Variants in EXOC6B observed in about 807,000 individuals in gnomAD.
The protein encoded by EXOC6B is SEC15 homolog B.
In EXOC6B, 54 loss-of-function variants were observed where a neutral mutation model predicts 113.5. That is an observed-to-expected ratio of 0.48 (90% CI 0.38 to 0.60). The LOEUF (loss-of-function observed/expected upper bound fraction) is 0.60. Ranked by LOEUF, EXOC6B falls within the 20% of genes least tolerant of loss-of-function variation. The pLI is 0.00. For missense variants in EXOC6B, 797 were observed against 977.5 expected, an observed-to-expected ratio of 0.82 and a Z score of 2.46; for synonymous variants, 357 against 339.0, an observed-to-expected ratio of 1.05 and a Z score of -0.58.
chr2:72,208,177 C>T (rs1156277068), intron 20 of EXOC6B, among the ~76,000 whole-genome samples: 3 of 151,942 alleles, frequency 2.0e-5, no homozygotes, highest in Admixed American at 6.6e-5. Flanking sequence ...GTACAGATCC[C>T]ATCACCCAGG....
chr2:72,323,858 C>G (rs1326425832), intron 20 of EXOC6B, among the ~76,000 whole-genome samples: 4 of 151,754 alleles, frequency 2.6e-5, no homozygotes, highest in Admixed American at 2.0e-4. Context: ...AGGGGAGGGA[C>G]AGCATTAGGA....
At chr2:72,540,554 T>A (rs1207800209) in intron 8 of EXOC6B, among the ~76,000 whole-genome samples, 2 of 152,216 alleles carry the variant, frequency 1.3e-5, no homozygotes, top group African/African-American at 4.8e-5. Context: ...ATTGCTTACA[T>A]AACCACAGAA....
chr2:72,678,506 A>T (rs1676469102), intron 6 of EXOC6B, among the ~76,000 whole-genome samples: 1 of 152,184 alleles, frequency 6.6e-6, no homozygotes, highest in Non-Finnish European at 1.5e-5. Context: ...CAGGAGTTGG[A>T]GGCCTCTTGG....
chr2:72,605,299 G>GAA (rs770662213), intron 6 of EXOC6B, among the ~76,000 whole-genome samples: 1 of 143,764 alleles, frequency 7.0e-6, no homozygotes, highest in Non-Finnish European at 1.5e-5. Flanking sequence ...AAAAAAAAAG[G>GAA]AAAAAAAAAA....
intron 18 of EXOC6B, among the ~76,000 whole-genome samples, chr2:72,437,039 T>TA (rs1451589789): frequency 2.6e-5 from 4 of 152,344 alleles, no homozygotes; most frequent in African/African-American, 9.6e-5. Context: ...TCCGTGGATT[T>TA]ATCTATCTTT....
At chr2:72,762,870 A>G (rs779498994) in intron 1 of EXOC6B, among the ~76,000 whole-genome samples, 5 of 152,146 alleles carry the variant, frequency 3.3e-5, no homozygotes, top group Non-Finnish European at 7.4e-5. Context: ...ATGTAGAAGT[A>G]AAATATAATT....
intron 20 of EXOC6B, among the ~76,000 whole-genome samples, chr2:72,198,220 A>C (rs1220308897): frequency 6.6e-6 from 1 of 152,200 alleles, no homozygotes; most frequent in Non-Finnish European, 1.5e-5. Flanking sequence ...ATGTTTTCAG[A>C]TGAGCTAAAC....
intron 18 of EXOC6B, among the ~76,000 whole-genome samples, chr2:72,449,295 G>A (rs1696772116): frequency 6.6e-6 from 1 of 151,708 alleles, no homozygotes; most frequent in African/African-American, 2.4e-5. Flanking sequence ...CCATTGTCCT[G>A]CCTCAGCCTC....
intron 7 of EXOC6B, among the ~76,000 whole-genome samples, chr2:72,573,734 C>T (rs908995413): frequency 6.6e-6 from 1 of 152,088 alleles, no homozygotes; most frequent in Non-Finnish European, 1.5e-5. Flanking sequence ...TATCCTAGTA[C>T]AATATAAACT....
intron 19 of EXOC6B, among the ~76,000 whole-genome samples, chr2:72,361,442 C>T (rs1393354121): frequency 2.6e-5 from 4 of 152,172 alleles, no homozygotes; most frequent in Admixed American, 2.6e-4. Flanking sequence ...TCAGGACTCT[C>T]CACTATTCCC....
intron 19 of EXOC6B, among the ~76,000 whole-genome samples, chr2:72,347,746 C>A (rs62149283): frequency 1.9e-4 from 29 of 151,964 alleles, no homozygotes; most frequent in African/African-American, 6.8e-4. Context: ...TTCTGACTAC[C>A]CACAATTCAA....
chr2:72,749,504 C>T (rs1172539000), intron 1 of EXOC6B, among the ~76,000 whole-genome samples: 1 of 151,738 alleles, frequency 6.6e-6, no homozygotes, highest in Non-Finnish European at 1.5e-5. Flanking sequence ...TTAATTTTTG[C>T]CATTAAAGCG....
chr2:72,539,756 G>GCA (rs1558775864), intron 8 of EXOC6B, among the ~76,000 whole-genome samples: 1 of 151,482 alleles, frequency 6.6e-6, no homozygotes, highest in African/African-American at 2.4e-5. Context: ...GTGTGCGCGC[G>GCA]CGCGCGCGTG....
At chr2:72,197,452 G>C (rs2104314768) in intron 20 of EXOC6B, among the ~76,000 whole-genome samples, 1 of 152,278 alleles carries the variant, frequency 6.6e-6, no homozygotes, top group East Asian at 1.9e-4. Context: ...GGTGGGGTTA[G>C]ACTATGCAGA....
chr2:72,671,572 C>T (rs1675807242), intron 6 of EXOC6B, among the ~76,000 whole-genome samples: 1 of 151,874 alleles, frequency 6.6e-6, no homozygotes. Context: ...GTGGTGGGTG[C>T]CTGTAATCCC....
chr2:72,792,677 C>A (rs970719553), intron 1 of EXOC6B, among the ~76,000 whole-genome samples: 2 of 152,030 alleles, frequency 1.3e-5, no homozygotes, highest in South Asian at 2.1e-4. Flanking sequence ...TTATATTATT[C>A]CAGTTCACAG....
At chr2:72,513,567 G>A (rs1701059234) in intron 10 of EXOC6B, among the ~76,000 whole-genome samples, 1 of 151,546 alleles carries the variant, frequency 6.6e-6, no homozygotes, top group African/African-American at 2.4e-5. Flanking sequence ...GGCAAATTTT[G>A]TTATATTAAG....
At chr2:72,720,684 G>T (rs1317935650) in intron 5 of EXOC6B, among the ~76,000 whole-genome samples, 3 of 152,062 alleles carry the variant, frequency 2.0e-5, no homozygotes, top group Non-Finnish European at 4.4e-5. Flanking sequence ...ACCCGGGTGG[G>T]CAGAGGTTGC....
At chr2:72,592,307 T>C (rs952163873) in intron 6 of EXOC6B, among the ~76,000 whole-genome samples, 11 of 152,122 alleles carry the variant, frequency 7.2e-5, no homozygotes, top group Admixed American at 2.0e-4. Context: ...AGTGGCACTT[T>C]TGACAATGCC....
Sources: allele counts gnomAD v4.1 joint callset (sites outside exome capture counted in the v4.1 genomes callset), GRCh38; gene constraint gnomAD v4.1.1; transcripts MANE v1.5; gene names NCBI Gene and HGNC (gene_info 2026-07-23, HGNC 2026-07-21).